Variants in NBAS observed in about 807,000 individuals in gnomAD.
The protein encoded by NBAS is NBAS subunit of NRZ tethering complex, also known as NAG/BC035112 fusion.
A neutral mutation model predicts 302.5 loss-of-function variants in NBAS; 219 were observed. The observed-to-expected ratio is 0.72, with a 90% CI of 0.65 to 0.81. The LOEUF is 0.81. Among genes scored for constraint, NBAS ranks in the 30% least tolerant of loss-of-function variants. The pLI is 0.00. For synonymous variants in NBAS, 1,118 were observed against 1,021.6 expected (o/e 1.09, Z -1.80); for missense variants, 2,932 against 2,841.6 (o/e 1.03, Z -0.72).
At chr2:14,935,215 A>C in the NBAS span, among the ~76,000 whole-genome samples, 1 of 151,802 alleles carries the variant, frequency 6.6e-6, no homozygotes, top group African/African-American at 2.4e-5. Context: ...TTTGTTTCTC[A>C]TGTTTTCTTC....
chr2:14,838,613 T>C, the NBAS span, among the ~76,000 whole-genome samples: 18 of 152,172 alleles, frequency 1.2e-4, no homozygotes, highest in South Asian at 3.7e-3. Flanking sequence ...TGATGTATGC[T>C]GTGATTTTTT....
At chr2:15,246,107 A>G (rs1468349285) in intron 44 of NBAS, among the ~76,000 whole-genome samples, 1 of 152,352 alleles carries the variant, frequency 6.6e-6, no homozygotes, top group East Asian at 1.9e-4. Flanking sequence ...TATATTGAAG[A>G]TAATTACATG....
At chr2:15,153,283 A>AT in the NBAS span, among the ~76,000 whole-genome samples, 27 of 152,198 alleles carry the variant, frequency 1.8e-4, no homozygotes, top group African/African-American at 4.1e-4. Context: ...GATACAATAC[A>AT]TTTTTTAGCA....
Position 15,277,649 on chromosome 2 carries a change from T to C in NBAS, c.5139-548A>G, listed in dbSNP as rs115213131. On this transcript the variant is annotated intron_variant, in intron 42 of 51. Coordinates refer to ENST00000281513, the MANE Select transcript of NBAS (RefSeq NM_015909.4). ...TAAAAGAAAAATAGAAAAAGAGGGATAATTAAACTTTCACTTGGGTTATCT... is the reference window on the plus strand; with the variant it reads ...TAAAAGAAAAATAGAAAAAGAGGGACAATTAAACTTTCACTTGGGTTATCT... 6.0e-3 allele frequency among the ~76,000 whole-genome samples: 919 copies of C among 152,292 alleles called. 4 individuals carry two copies. The highest frequency in any genetic ancestry group is 0.019 in the African/African-American group (802 of 41,574).
the NBAS span, among the ~76,000 whole-genome samples, chr2:14,795,488 TTCTGG>T: frequency 6.6e-6 from 1 of 151,646 alleles, no homozygotes; most frequent in African/African-American, 2.4e-5. Context: ...TATATATATA[TTCTGG>T]ATACAAGCCC....
chr2:15,347,530 C>T (rs1180818959), intron 35 of NBAS, among the ~76,000 whole-genome samples: 1 of 152,188 alleles, frequency 6.6e-6, no homozygotes, highest in Admixed American at 6.5e-5. Context: ...CTATACTTAG[C>T]CCATGCTCAA....
At chr2:15,333,840 TAAAAA>T (rs554151194) in intron 35 of NBAS, among the ~76,000 whole-genome samples, 1 of 92,432 alleles carries the variant, frequency 1.1e-5, no homozygotes, top group Admixed American at 1.1e-4. Flanking sequence ...ACAGTGGAGG[TAAAAA>T]AAAAAAAAAA....
intron 14 of NBAS, 65 bp from the exon 15 acceptor site, chr2:15,474,389 G>A (rs1348215799): frequency 9.1e-6 from 13 of 1,422,666 alleles, no homozygotes; most frequent in South Asian, 1.3e-5. Flanking sequence ...TAGAATTAAT[G>A]AAAGAAAATA....
the NBAS span, among the ~76,000 whole-genome samples, chr2:15,046,272 A>C: frequency 3.3e-5 from 5 of 152,186 alleles, no homozygotes; most frequent in African/African-American, 1.2e-4. Flanking sequence ...TTTTTATTTT[A>C]GTTCTTAAGG....
intron 7 of NBAS, chr2:15,538,335 T>C (rs762390973): frequency 8.3e-6 from 4 of 483,872 alleles, no homozygotes; most frequent in Non-Finnish European, 1.7e-5. Context: ...TCCCAGAATA[T>C]GAGCACAACA....
the NBAS span, among the ~76,000 whole-genome samples, chr2:15,006,710 T>C: frequency 6.6e-6 from 1 of 152,216 alleles, no homozygotes; most frequent in Non-Finnish European, 1.5e-5. Context: ...ATTTTTAAAA[T>C]GTCTCTCCCA....
intron 51 of NBAS, among the ~76,000 whole-genome samples, chr2:15,175,018 A>G (rs1664467576): frequency 6.6e-6 from 1 of 152,068 alleles, no homozygotes; most frequent in African/African-American, 2.4e-5. Context: ...TGCAGGCTGG[A>G]GTGCAGTGGC....
At chr2:15,328,382 G>T (rs551975656) in intron 36 of NBAS, 70 bp from the exon 37 acceptor site, 3 of 1,316,914 alleles carry the variant, frequency 2.3e-6, no homozygotes, top group African/African-American at 1.5e-5. Context: ...AGAAGTAAAA[G>T]CAAGGAAAGA....
intron 48 of NBAS, among the ~76,000 whole-genome samples, chr2:15,214,909 C>T (rs1666585443): frequency 6.6e-6 from 1 of 152,126 alleles, no homozygotes; most frequent in Non-Finnish European, 1.5e-5. Flanking sequence ...TCGCCTACAA[C>T]CACAAATTCA....
chr2:15,493,624 G>A (rs974459477), intron 11 of NBAS, among the ~76,000 whole-genome samples: 19 of 150,656 alleles, frequency 1.3e-4, no homozygotes, highest in East Asian at 5.9e-4. Context: ...CCGAGATCAC[G>A]CCATTGCACT....
chr2:15,347,995 A>G (rs1572697876), intron 35 of NBAS, among the ~76,000 whole-genome samples: 2 of 152,344 alleles, frequency 1.3e-5, no homozygotes, highest in Middle Eastern at 6.8e-3. Flanking sequence ...TTCACAAGTG[A>G]AGTAATGAAA....
chr2:14,886,521 G>A, the NBAS span: 1 of 152,222 alleles, frequency 6.6e-6, no homozygotes, highest in Non-Finnish European at 1.5e-5. Context: ...CCTGAAGGCA[G>A]GGATGGTCAT....
chr2:15,365,781 T>C (rs1674170140), intron 32 of NBAS, among the ~76,000 whole-genome samples: 2 of 152,126 alleles, frequency 1.3e-5, no homozygotes, highest in Admixed American at 1.3e-4. Context: ...ATATGTTACA[T>C]ATATATATGG....
intron 50 of NBAS, chr2:15,180,361 C>A (rs1664762217): frequency 6.6e-6 from 1 of 152,214 alleles, no homozygotes; most frequent in South Asian, 2.1e-4. Flanking sequence ...GTTTGTAAAA[C>A]ACATTCCTCA....
Sources: gnomAD v4.1 joint callset for allele counts (sites outside exome capture counted in the v4.1 genomes callset) on GRCh38, gnomAD v4.1.1 for gene constraint, MANE v1.5 for transcripts, NCBI Gene and HGNC (gene_info 2026-07-23, HGNC 2026-07-21) for gene names.